Variants in CDCA2 observed in about 807,000 individuals in gnomAD.
CDCA2 encodes the protein cell division cycle-associated protein 2.
In CDCA2, 44 loss-of-function variants were observed where a neutral mutation model predicts 67.0. That is an observed-to-expected ratio of 0.66 (90% CI 0.52 to 0.84). CDCA2 has a LOEUF of 0.84. Among genes scored for constraint, CDCA2 ranks in the 40% least tolerant of loss-of-function variants. The pLI is 0.00. For synonymous variants in CDCA2, 447 were observed against 418.7 expected (o/e 1.07, Z -0.82); for missense variants, 1,253 against 1,203.2 (o/e 1.04, Z -0.61).
At chr8:25,473,299 G>T (rs1279925999) in intron 7 of CDCA2, among the ~76,000 whole-genome samples, 1 of 152,158 alleles carries the variant, frequency 6.6e-6, no homozygotes, top group Non-Finnish European at 1.5e-5. Context: ...TTAGCGACAG[G>T]TTTGTCATGT....
rs1307645320 is a variant in CDCA2 at position 25,507,425 on chromosome 8, A to G, written c.2759A>G (p.Lys920Arg). 3 of 1,614,000 alleles carry G rather than the reference A, an allele frequency of 1.9e-6. No individual in the cohort carries two copies. Among genetic ancestry groups the G allele is most frequent in the Non-Finnish European group, 2.5e-6 (3 of 1,180,032 alleles). ...CTTCCTTCCACTTCCCAAAAAGCCA[A>G]AAGAAGAACAATATGTACATTTGAC... Reference protein sequence around the residue: ...LPLPSTSQKAKRRTICTFDSS... With the variant: ...LPLPSTSQKARRRTICTFDSS... Residue 920 changes from lysine to arginine, a missense_variant, in exon 15 of 15, where the codon AAA becomes AGA. Transcript: ENST00000330560.
At chr8:25,467,166 C>A (rs55866338) in intron 5 of CDCA2, among the ~76,000 whole-genome samples, 1 of 144,582 alleles carries the variant, frequency 6.9e-6, no homozygotes, top group Admixed American at 6.9e-5. Context: ...TTTTTTTTTT[C>A]CCCCCCAATC....
intron 13 of CDCA2, among the ~76,000 whole-genome samples, chr8:25,492,475 G>A (rs1173685292): frequency 2.0e-5 from 3 of 152,030 alleles, no homozygotes; most frequent in African/African-American, 7.3e-5. Context: ...TTGAAAGAAT[G>A]AATGGTATGA....
intron 13 of CDCA2, 73 bp downstream of exon 13, chr8:25,488,762 A>G: frequency 5.8e-6 from 8 of 1,383,772 alleles, no homozygotes; most frequent in Non-Finnish European, 5.7e-6. Flanking sequence ...AGGAAAATAT[A>G]GAAACACATT....
intron 14 of CDCA2, 168 bp downstream of exon 14, chr8:25,503,712 C>A: frequency 3.3e-6 from 2 of 613,376 alleles, no homozygotes; most frequent in Non-Finnish European, 2.7e-6. Flanking sequence ...AGGAAACAGT[C>A]ACGTGTAACT....
chr8:25,465,491 C>T (rs1802863874), intron 4 of CDCA2, among the ~76,000 whole-genome samples: 2 of 152,104 alleles, frequency 1.3e-5, no homozygotes, highest in Non-Finnish European at 1.5e-5. Flanking sequence ...ACTTCTATCC[C>T]TGCTAATATA....
chr8:25,500,627 C>T (rs1456158720), intron 13 of CDCA2, among the ~76,000 whole-genome samples: 1 of 152,130 alleles, frequency 6.6e-6, no homozygotes, highest in Non-Finnish European at 1.5e-5. Flanking sequence ...CTGCCTCAGC[C>T]TCCTGAGGAG....
At position 25,496,554 on chromosome 8, in the gene CDCA2, A is replaced by G. The variant is rs180932991; in HGVS notation, c.1672-6819A>G. ...GTAACTACAAACCATACATCTGATA[A>G]GGGGTTAATAGCCAAAATGTATAAG... is the stretch of plus-strand genomic sequence containing the variant. On this transcript the variant is annotated intron_variant, in intron 13 of 14. Coordinates refer to ENST00000330560, the MANE Select transcript of CDCA2 (RefSeq NM_152562.4). Among the ~76,000 whole-genome samples the G allele has an allele frequency of 2.1e-3, 315 of 152,292 alleles. 1 individual carries two copies. The highest frequency in any genetic ancestry group is 6.8e-3 in the Middle Eastern group (2 of 294).
chr8:25,492,135 G>GC (rs34422943), intron 13 of CDCA2, among the ~76,000 whole-genome samples: 29 of 60,900 alleles, frequency 4.8e-4, no homozygotes, highest in African/African-American at 2.6e-3. Context: ...GCGGGGGGTT[G>GC]GGGGGTCTCA....
intron 7 of CDCA2, chr8:25,479,626 C>T: frequency 2.3e-6 from 1 of 434,148 alleles, no homozygotes; most frequent in South Asian, 2.2e-5. Context: ...ATAGCTGATT[C>T]ATGATACCTT....
intron 7 of CDCA2, among the ~76,000 whole-genome samples, chr8:25,477,826 C>A (rs1803409351): frequency 6.6e-6 from 1 of 152,124 alleles, no homozygotes; most frequent in East Asian, 1.9e-4. Context: ...CTTCACCAAC[C>A]TGCTCATCTC....
chr8:25,474,510 T>A (rs568650736), intron 7 of CDCA2, among the ~76,000 whole-genome samples: 6 of 152,340 alleles, frequency 3.9e-5, no homozygotes, highest in Non-Finnish European at 7.4e-5. Context: ...ATTTCTTTTA[T>A]CCAATTTCTT....
chr8:25,490,588 C>T (rs1267227031), intron 13 of CDCA2, among the ~76,000 whole-genome samples: 3 of 151,972 alleles, frequency 2.0e-5, no homozygotes, highest in Admixed American at 6.6e-5. Context: ...TTGGCAGGTA[C>T]GATGGATGGT....
chr8:25,505,286 C>T (rs1804633799), intron 14 of CDCA2, among the ~76,000 whole-genome samples: 1 of 152,150 alleles, frequency 6.6e-6, no homozygotes, highest in African/African-American at 2.4e-5. Context: ...ACTGCAACCT[C>T]CACCTCCTGG....
At chr8:25,499,943 T>C (rs2117548122) in intron 13 of CDCA2, among the ~76,000 whole-genome samples, 1 of 152,320 alleles carries the variant, frequency 6.6e-6, no homozygotes, top group South Asian at 2.1e-4. Flanking sequence ...TGGCCTTTGC[T>C]GATGAAATCT....
intron 13 of CDCA2, among the ~76,000 whole-genome samples, chr8:25,491,380 G>A (rs1394132437): frequency 3.9e-5 from 6 of 152,160 alleles, no homozygotes; most frequent in South Asian, 2.1e-4. Context: ...AATGAAGAAG[G>A]GCCAGGGGGT....
chr8:25,469,370 G>T (rs977425246), intron 6 of CDCA2, among the ~76,000 whole-genome samples: 2 of 152,212 alleles, frequency 1.3e-5, no homozygotes, highest in African/African-American at 4.8e-5. Context: ...CTGGACAGAA[G>T]CAAGAATAAT....
Position 25,506,726 on chromosome 8 carries a change from A to G in CDCA2, c.2060A>G (p.Glu687Gly), listed in dbSNP as rs1481643631. 1 of 1,611,812 alleles carries G rather than the reference A, an allele frequency of 6.2e-7. No homozygotes were observed. Among genetic ancestry groups the G allele is most frequent in the Non-Finnish European group, 8.5e-7 (1 of 1,179,336 alleles). The stretch of plus-strand genomic sequence containing the variant: ...AATACAAATATAATGAACATTAATG[A>G]AAATAAAAATATTCCAAAAGCAAAA... Reference protein sequence around the residue: ...DPNTNIMNINENKNIPKAKNK... With the variant: ...DPNTNIMNINGNKNIPKAKNK... The change falls in exon 15 of 15, where the codon GAA (glutamate) becomes GGA (glycine). Residue 687 changes from glutamate (E) to glycine (G), a missense_variant. Coordinates refer to ENST00000330560, the MANE Select transcript of CDCA2 (RefSeq NM_152562.4).
Position 25,483,013 on chromosome 8 carries a change from C to T in CDCA2, c.1033-386C>T, listed in dbSNP as rs552195086. Reference sequence around the variant, plus strand: ...ATTATATAAAAGGGACTTGAGCATCCGTGGATTTTGGTATCTTCGGGGGCC... The same window carrying T: ...ATTATATAAAAGGGACTTGAGCATCTGTGGATTTTGGTATCTTCGGGGGCC... On this transcript the variant is annotated intron_variant, in intron 8 of 14. Coordinates refer to ENST00000330560, the MANE Select transcript of CDCA2 (RefSeq NM_152562.4). Among the ~76,000 whole-genome samples, 93 of 152,136 alleles carry T rather than the reference C, an allele frequency of 6.1e-4. 1 individual carries two copies. The highest frequency in any genetic ancestry group is 2.1e-3 in the African/African-American group (89 of 41,482).
Sources: gnomAD v4.1 joint callset for allele counts (sites outside exome capture counted in the v4.1 genomes callset) on GRCh38, gnomAD v4.1.1 for gene constraint, MANE v1.5 for transcripts, NCBI Gene and HGNC (gene_info 2026-07-23, HGNC 2026-07-21) for gene names.